The following CAMK1D variants were observed in gnomAD, a reference collection of about 807,000 sequenced individuals.
CAMK1D encodes the protein calcium/calmodulin-dependent protein kinase type 1D.
Under a neutral mutation model 47.7 loss-of-function variants are expected in CAMK1D, and 9 were observed. The ratio of observed to expected loss-of-function variants is 0.19; its 90% CI spans 0.11 to 0.33. The LOEUF (loss-of-function observed/expected upper bound fraction) is 0.33. CAMK1D is among the 10% of genes least tolerant of loss of function. The probability of loss-of-function intolerance (pLI) is 1.00; values close to 1 mark genes in which losing one functional copy is unlikely to be tolerated. For synonymous variants in CAMK1D, 184 were observed against 184.9 expected, an observed-to-expected ratio of 0.99 and a Z score of 0.04; for missense variants, 291 against 488.7, an observed-to-expected ratio of 0.60 and a Z score of 3.81.
intron 1 of CAMK1D, among the ~76,000 whole-genome samples, chr10:12,532,026 G>A (rs949843599): frequency 2.7e-4 from 41 of 152,352 alleles, no homozygotes; most frequent in African/African-American, 9.4e-4. Flanking sequence ...TAGAAATACT[G>A]CACAGGGGAG....
chr10:12,612,870 T>C (rs1838671845), intron 2 of CAMK1D, among the ~76,000 whole-genome samples: 1 of 152,182 alleles, frequency 6.6e-6, no homozygotes, highest in Non-Finnish European at 1.5e-5. Context: ...TCCCTCAAAT[T>C]GATGTAGTCT....
chr10:12,595,426 G>C (rs1838119528), intron 2 of CAMK1D, among the ~76,000 whole-genome samples: 1 of 146,506 alleles, frequency 6.8e-6, no homozygotes, highest in South Asian at 2.2e-4. Flanking sequence ...TTATCAGAAT[G>C]TGGGCAGTCA....
In CAMK1D at chr10:12,384,154, T is replaced by C. The variant is rs1838423359; in HGVS notation, c.92+34244T>C. Among the ~76,000 whole-genome samples, 3 of 152,080 alleles carry C rather than the reference T, an allele frequency of 2.0e-5. No individual in the cohort carries two copies. In the South Asian group the frequency reaches 6.2e-4, roughly 32 times the overall value. On this transcript the variant is annotated intron_variant, in intron 1 of 10. Transcript: ENST00000619168. ...TTAGGAGTAAATTTGACTGAAGAAG[T>C]TCAAGCCTTGCACATTGCAAACTAC...
intron 3 of CAMK1D, among the ~76,000 whole-genome samples, chr10:12,688,574 G>T (rs367983832): frequency 6.6e-6 from 1 of 152,176 alleles, no homozygotes; most frequent in African/African-American, 2.4e-5. Flanking sequence ...AAAGGAGGTC[G>T]TGACGTTGTG....
intron 2 of CAMK1D, among the ~76,000 whole-genome samples, chr10:12,598,855 AT>A (rs1370748305): frequency 6.6e-6 from 1 of 152,200 alleles, no homozygotes; most frequent in Non-Finnish European, 1.5e-5. Flanking sequence ...GATATAACAA[AT>A]CTATTTTTAC....
At chr10:12,458,163 C>T (rs1833313777) in intron 1 of CAMK1D, among the ~76,000 whole-genome samples, 1 of 152,184 alleles carries the variant, frequency 6.6e-6, no homozygotes, top group Non-Finnish European at 1.5e-5. Flanking sequence ...CATACCGAGC[C>T]TCTCCCATGC....
At chr10:12,791,025 T>C (rs1837956798) in intron 5 of CAMK1D, 133 bp from the exon 6 acceptor site, 1 of 698,696 alleles carries the variant, frequency 1.4e-6, no homozygotes, top group Middle Eastern at 2.5e-4. Context: ...AGCCAACACA[T>C]AAAATGGGTT....
intron 2 of CAMK1D, among the ~76,000 whole-genome samples, chr10:12,626,176 A>G (rs1361162047): frequency 6.6e-6 from 1 of 152,104 alleles, no homozygotes; most frequent in African/African-American, 2.4e-5. Flanking sequence ...AATGAAAGCT[A>G]TGTCATACTC....
At chr10:12,704,142 G>A (rs10906211) in intron 3 of CAMK1D, among the ~76,000 whole-genome samples, 141,208 of 152,242 alleles carry the variant, frequency 0.93, 66,075 homozygotes, top group Non-Finnish European at 0.99. Context: ...TACTGCAGGT[G>A]TGTCCATAGC....
chr10:12,658,562 C>T (rs1259518387), intron 2 of CAMK1D, among the ~76,000 whole-genome samples: 2 of 152,120 alleles, frequency 1.3e-5, no homozygotes, highest in African/African-American at 4.8e-5. Context: ...TTCCCCAAGA[C>T]CACCCTGGCC....
intron 4 of CAMK1D, among the ~76,000 whole-genome samples, chr10:12,767,296 G>T (rs1361831025): frequency 6.6e-6 from 1 of 152,146 alleles, no homozygotes; most frequent in Non-Finnish European, 1.5e-5. Flanking sequence ...TCCTGCCTCA[G>T]CCTCCTGAGT....
chr10:12,499,200 C>CT (rs1834628738), intron 1 of CAMK1D, among the ~76,000 whole-genome samples: 1 of 151,160 alleles, frequency 6.6e-6, no homozygotes, highest in Non-Finnish European at 1.5e-5. Flanking sequence ...CTGGGCAGTT[C>CT]TTTCCTATGT....
Position 12,723,690 on chromosome 10 carries a change from G to A in CAMK1D, c.300-37258G>A, listed in dbSNP as rs372382561. Reference sequence around the variant, plus strand: ...ATTAAAATACATCATAAATAATTATGTTTATATCCTTGCAGTAGTTTAAAA... The same window carrying A: ...ATTAAAATACATCATAAATAATTATATTTATATCCTTGCAGTAGTTTAAAA... On this transcript the variant is annotated intron_variant, in intron 3 of 10. Coordinates refer to ENST00000619168, the MANE Select transcript of CAMK1D (RefSeq NM_153498.4). Among the ~76,000 whole-genome samples the A allele has an allele frequency of 4.8e-4, 73 of 152,158 alleles. 1 individual carries two copies. In the South Asian group the frequency reaches 0.012, roughly 26 times the overall value.
chr10:12,547,484 G>A (rs1214468935), intron 1 of CAMK1D, among the ~76,000 whole-genome samples: 1 of 152,172 alleles, frequency 6.6e-6, no homozygotes, highest in Admixed American at 6.5e-5. Context: ...CCTATAGAGT[G>A]CAACCTGATT....
At chr10:12,571,353 G>A (rs1252837158) in intron 2 of CAMK1D, among the ~76,000 whole-genome samples, 1 of 149,410 alleles carries the variant, frequency 6.7e-6, no homozygotes, top group Non-Finnish European at 1.5e-5. Flanking sequence ...GGAGGCTGAG[G>A]CAGGAGAATT....
At position 12,757,697 on chromosome 10, in the gene CAMK1D, T is replaced by C. The variant is rs150863729; in HGVS notation, c.300-3251T>C. The stretch of plus-strand genomic sequence containing the variant: ...TTCTCACAGTTCTGGAGGCTGGACG[T>C]CTGAGATCAGGGTGCTAGTGTGGGA... On this transcript the variant is annotated intron_variant, in intron 3 of 10. Transcript: ENST00000619168. Among the ~76,000 whole-genome samples the C allele has an allele frequency of 8.6e-3, 1,302 of 152,256 alleles. 19 individuals carry two copies. The highest frequency in any genetic ancestry group is 9.8e-3 in the Non-Finnish European group (664 of 68,028).
rs1352504912 is a variant in CAMK1D, at chr10:12,764,478, C to G, written c.438+3392C>G. ...GTCTTCAAAACAGCATTTTATTGAC[C>G]CAGATGAATCTTTTCTAGGAGGGAT... On this transcript the variant is annotated intron_variant, in intron 4 of 10. Transcript: ENST00000619168. Among the ~76,000 whole-genome samples the G allele has an allele frequency of 7.8e-5, 11 of 140,184 alleles. No homozygotes were observed. The Admixed American group carries it at 8.2e-4, about 10-fold the overall frequency. The allele number at this position is 140,184 out of a possible 152,430, so 92.0% of individuals were successfully genotyped here. A position where few individuals can be genotyped will look rare whatever the true frequency, so the allele number is the denominator to read the frequency against.
chr10:12,449,872 G>T (rs1204564077), intron 1 of CAMK1D, among the ~76,000 whole-genome samples: 1 of 152,128 alleles, frequency 6.6e-6, no homozygotes, highest in African/African-American at 2.4e-5. Flanking sequence ...GGTGGCAGGC[G>T]CCTGTAATCC....
At chr10:12,582,413 G>T (rs1424928610) in intron 2 of CAMK1D, among the ~76,000 whole-genome samples, 1 of 152,082 alleles carries the variant, frequency 6.6e-6, no homozygotes, top group African/African-American at 2.4e-5. Context: ...TGTTTTTCTA[G>T]TTCTGTGAAT....
Sources: allele counts gnomAD v4.1 joint callset (sites outside exome capture counted in the v4.1 genomes callset), GRCh38; gene constraint gnomAD v4.1.1; transcripts MANE v1.5; gene names NCBI Gene and HGNC (gene_info 2026-07-23, HGNC 2026-07-21).